The following ASPSCR1 variants were observed in gnomAD, a reference collection of about 807,000 sequenced individuals.
The protein encoded by ASPSCR1 is tether containing UBX domain for GLUT4.
ASPSCR1 carries 55 observed loss-of-function variants against 68.9 expected under a neutral mutation model. That is an observed-to-expected ratio of 0.80 (90% CI 0.64 to 1.00). ASPSCR1 has a LOEUF of 1.00. Among genes scored for constraint, ASPSCR1 ranks in the 50% least tolerant of loss-of-function variants. ASPSCR1 has a pLI of 0.00. For missense variants in ASPSCR1, 765 were observed against 762.2 expected (o/e 1.00, Z -0.04); for synonymous variants, 352 against 332.6 (o/e 1.06, Z -0.63).
Position 82,016,784 on chromosome 17 carries a change from T to C in ASPSCR1, c.1406-16T>C, listed in dbSNP as rs774574305. On this transcript the variant is annotated splice_polypyrimidine_tract_variant and intron_variant, in intron 13 of 15. Coordinates refer to ENST00000306739, the MANE Select transcript of ASPSCR1 (RefSeq NM_024083.4). ...CCCTCCTCAGAGGCTCAGGGTGAGCTTGGGCCTCCCTGCAGGTGTCTACCT... is the reference window on the plus strand; with the variant it reads ...CCCTCCTCAGAGGCTCAGGGTGAGCCTGGGCCTCCCTGCAGGTGTCTACCT... 3 of 1,606,528 alleles carry C rather than the reference T, an allele frequency of 1.9e-6. No individual in the cohort carries two copies. The highest frequency in any genetic ancestry group is 3.3e-5 in the Admixed American group (2 of 59,840).
At chr17:82,009,383 G>C in intron 8 of ASPSCR1, 103 bp from the exon 9 acceptor site, 1 of 1,370,224 alleles carries the variant, frequency 7.3e-7, no homozygotes, top group Non-Finnish European at 9.8e-7. Flanking sequence ...TGTGGGGAGA[G>C]CAGCCCACTC....
chr17:81,982,975 A>G (rs2143996717), intron 2 of ASPSCR1, among the ~76,000 whole-genome samples: 1 of 152,026 alleles, frequency 6.6e-6, no homozygotes, highest in African/African-American at 2.4e-5. Flanking sequence ...CACCATGCCC[A>G]GCTTATTTTT....
In ASPSCR1 at chr17:82,016,985, C is replaced by A. The variant is rs760275278; in HGVS notation, c.1520C>A (p.Pro507His). 19 of 1,612,482 alleles carry A rather than the reference C, an allele frequency of 1.2e-5. No homozygotes were observed. Among genetic ancestry groups the A allele is most frequent in the Non-Finnish European group, 1.6e-5 (19 of 1,179,858 alleles). Residue 507 changes from proline to histidine, a missense_variant, in exon 15 of 16, where the codon CCT becomes CAT. Physicochemically the swap from Pro to His is moderately conservative, Grantham distance 77. Transcript: ENST00000306739. ...AAGSPSPLPA[P>H]DPAPKSEPAA... is the part of the protein sequence containing the mutation. ...GGGTCCCCTTCCCCATTGCCAGCCC[C>A]TGACCCTGCACCTAAGTCTGAGCCA...
At chr17:82,012,210 G>T (rs749958842) in intron 11 of ASPSCR1, 21 bp from the exon 12 acceptor site, 20 of 1,612,314 alleles carry the variant, frequency 1.2e-5, no homozygotes, top group Non-Finnish European at 1.6e-5. Flanking sequence ...TTCCTAACAC[G>T]TAGGTGCCTT....
chr17:82,009,887 C>T (rs530316175), intron 9 of ASPSCR1: 7 of 246,228 alleles, frequency 2.8e-5, no homozygotes, highest in Non-Finnish European at 5.6e-5. Context: ...CCAGTTGATC[C>T]TCCCCTGCTC....
intron 6 of ASPSCR1, 90 bp from the exon 7 acceptor site, chr17:81,996,330 G>C: frequency 6.7e-7 from 1 of 1,501,538 alleles, no homozygotes. Flanking sequence ...AGGGTGAGCC[G>C]GGGGCGGGAG....
In ASPSCR1 at chr17:81,996,730, C is replaced by G. The variant is rs2042356369; in HGVS notation, c.817C>G (p.Leu273Val). The G allele has an allele frequency of 6.2e-7, 1 of 1,613,540 alleles. No individual in the cohort carries two copies. ...ATCTTCAGCTAAGTTGCCGAAGTCC[C>G]TCTCCAGCCCTGGAGGCCCCTCCAA... ...TSSSAKLPKS[L>V]SSPGGPSKPK... The change falls in exon 7 of 16, where the codon CTC becomes GTC. Residue 273 changes from leucine to valine, a missense_variant. By Grantham distance (32) the Leu-to-Val change is conservative. Coordinates refer to ENST00000306739, the MANE Select transcript of ASPSCR1 (RefSeq NM_024083.4).
At chr17:82,016,761 C>T (rs769746538) in intron 13 of ASPSCR1, 39 bp from the exon 14 acceptor site, 11 of 1,594,794 alleles carry the variant, frequency 6.9e-6, no homozygotes, top group Admixed American at 1.7e-5. Context: ...GAGTGGACCC[C>T]TCCTCAGAGG....
intron 7 of ASPSCR1, among the ~76,000 whole-genome samples, chr17:82,004,086 G>A (rs2042625526): frequency 2.0e-5 from 3 of 152,224 alleles, no homozygotes; most frequent in Non-Finnish European, 4.4e-5. Flanking sequence ...TCCTCTGTGT[G>A]TCATCACATC....
At position 81,983,654 on chromosome 17, in the gene ASPSCR1, G is replaced by A; in HGVS notation, c.259G>A (p.Gly87Arg). 6.8e-6 allele frequency: 11 copies of A among 1,612,230 alleles called. No homozygotes were observed. Among genetic ancestry groups the A allele is most frequent in the Non-Finnish European group, 9.3e-6 (11 of 1,179,428 alleles). Residue 87 changes from glycine (G) to arginine (R), a missense_variant, in exon 3 of 16, where the codon GGG becomes AGG. Transcript: ENST00000306739. This position sits in a 1 kb window ranked among gnomAD's most constrained non-coding sequence, Gnocchi z 4.4. ...EMVPASRSRE[G>R]PENMVRIALQ... ...GGTGCCCGCTTCCCGGAGCCGTGAG[G>A]GGCCTGAGAACATGGTGGGTCGTGC...
Position 81,999,177 on chromosome 17 carries a change from G to A in ASPSCR1, c.933+2331G>A, listed in dbSNP as rs1367765493. On this transcript the variant is annotated intron_variant, in intron 7 of 15. Coordinates refer to ENST00000306739, the MANE Select transcript of ASPSCR1 (RefSeq NM_024083.4). This position sits in a 1 kb window ranked among gnomAD's most constrained non-coding sequence, Gnocchi z 4.4. The stretch of plus-strand genomic sequence containing the variant: ...TCATGCGGCTTTCGGTGACAGGGAT[G>A]GGAGGAGGCTGTTTCCCAGCCCCTG... 1.3e-5 allele frequency among the ~76,000 whole-genome samples: 2 copies of A among 152,226 alleles called. No individual in the cohort carries two copies. Among genetic ancestry groups the A allele is most frequent in the Non-Finnish European group, 1.5e-5 (1 of 68,038 alleles).
chr17:81,996,873 T>G, intron 7 of ASPSCR1, 27 bp downstream of exon 7: 1 of 1,550,460 alleles, frequency 6.4e-7, no homozygotes, highest in Non-Finnish European at 8.7e-7. Flanking sequence ...GCCTTGGGAC[T>G]TGGGGGTGTC....
chr17:81,988,744 C>T (rs1221693687), intron 4 of ASPSCR1, among the ~76,000 whole-genome samples: 1 of 152,188 alleles, frequency 6.6e-6, no homozygotes, highest in African/African-American at 2.4e-5. Flanking sequence ...CATGCTCTTC[C>T]GTCGTGTGGG....
At position 81,994,738 on chromosome 17, in the gene ASPSCR1, TTCCGAGTC is replaced by T. The variant is rs2042279602; in HGVS notation, c.375-79_375-72del. 8 of 1,447,604 alleles carry T rather than the reference TTCCGAGTC, an allele frequency of 5.5e-6. No homozygotes were observed. In the South Asian group the frequency reaches 9.1e-5, roughly 17 times the overall value. The allele number at this position is 1,447,604 out of a possible 1,614,324, so 89.7% of individuals were successfully genotyped here. A position where few individuals can be genotyped will look rare whatever the true frequency, so the allele number is the denominator to read the frequency against. On this transcript the variant is annotated intron_variant, in intron 4 of 15. Coordinates refer to ENST00000306739, the MANE Select transcript of ASPSCR1 (RefSeq NM_024083.4). ...TGGGTGAGGGCCCCACACCTTTGCT[TTCCGAGTC>T]TCCTGCCCCAGGGCCTCCGTGGCAC... is the stretch of plus-strand genomic sequence containing the variant.
At chr17:81,978,031 C>G (rs1598377889) in intron 1 of ASPSCR1, 1 of 227,250 alleles carries the variant, frequency 4.4e-6, no homozygotes, top group East Asian at 9.2e-5. Flanking sequence ...GGCGCCCGGC[C>G]GAGCCCAGCT....
chr17:81,995,226 T>G lies in ASPSCR1; in HGVS notation c.432+348T>G, dbSNP rs893057445. On this transcript the variant is annotated intron_variant, in intron 5 of 15. Coordinates refer to ENST00000306739, the MANE Select transcript of ASPSCR1 (RefSeq NM_024083.4). ...CGCCGTGGCGGGACCCTCCTAGCGC[T>G]CGTCCCTGGCCTCACAGGGGCCTTT... 4 of 440,890 alleles carry G rather than the reference T, an allele frequency of 9.1e-6. No individual in the cohort carries two copies. In the South Asian group the frequency reaches 1.5e-4, roughly 17 times the overall value. 27.3% of individuals were successfully genotyped at this position (440,890 alleles called of 1,614,324 possible).
intron 7 of ASPSCR1, 144 bp downstream of exon 7, chr17:81,996,990 C>A (rs2042367809): frequency 8.8e-6 from 13 of 1,476,400 alleles, no homozygotes; most frequent in Non-Finnish European, 1.1e-5. Context: ...AAACGCGGGG[C>A]TCTGGACAGG....
rs2042325207 is a variant in ASPSCR1 at position 81,996,047 on chromosome 17, G to T, written c.488G>T (p.Gly163Val). Residue 163 changes from glycine to valine, a missense_variant, in exon 6 of 16, where the codon GGG becomes GTG. Coordinates refer to ENST00000306739, the MANE Select transcript of ASPSCR1 (RefSeq NM_024083.4). ...ACGCTGCAGTCGCTGGGCCTGACCG[G>T]GGGCAGCGCCACCATCAGGTAAGGG... ...GTTLQSLGLT[G>V]GSATIRFVMK... 2 of 1,609,380 alleles carry T rather than the reference G, an allele frequency of 1.2e-6. No homozygotes were observed. The highest frequency in any genetic ancestry group is 1.7e-6 in the Non-Finnish European group (2 of 1,178,850).
intron 7 of ASPSCR1, among the ~76,000 whole-genome samples, chr17:82,000,924 G>C (rs929494995): frequency 6.6e-6 from 1 of 151,468 alleles, no homozygotes; most frequent in Non-Finnish European, 1.5e-5. Context: ...TCGGCCTCCC[G>C]GCAGCTGGCA....
Sources: gnomAD v4.1 joint callset for allele counts (sites outside exome capture counted in the v4.1 genomes callset) on GRCh38, gnomAD v4.1.1 for gene constraint, Gnocchi (gnomAD v3.1) non-coding constraint, MANE v1.5 for transcripts, NCBI Gene and HGNC (gene_info 2026-07-23, HGNC 2026-07-21) for gene names.